GALNT14: variants seen among roughly 807,000 people sequenced by gnomAD.
GALNT14 encodes UDP-GalNAc:polypeptide N-acetylgalactosaminyltransferase 14.
A neutral mutation model predicts 77.5 loss-of-function variants in GALNT14; 60 were observed. That is an observed-to-expected ratio of 0.77 (90% CI 0.63 to 0.96). The LOEUF (loss-of-function observed/expected upper bound fraction) is 0.96, where lower values mean the gene tolerates loss of function less well. Among genes scored for constraint, GALNT14 ranks in the 40% least tolerant of loss-of-function variants. GALNT14 has a pLI of 0.00. For missense variants in GALNT14, 710 were observed against 731.0 expected (o/e 0.97, Z 0.33); for synonymous variants, 280 against 281.7 (o/e 0.99, Z 0.06).
intron 11 of GALNT14, among the ~76,000 whole-genome samples, chr2:30,926,102 A>G (rs1454101975): frequency 7.9e-5 from 12 of 152,222 alleles, no homozygotes. Flanking sequence ...TTCTTCTTAC[A>G]GAGCACCAAC....
chr2:30,944,478 T>C (rs772171157), intron 8 of GALNT14, among the ~76,000 whole-genome samples: 8 of 152,188 alleles, frequency 5.3e-5, no homozygotes, highest in Non-Finnish European at 1.2e-4. Flanking sequence ...ACTCAACATC[T>C]CTGGGCTGAA....
intron 1 of GALNT14, among the ~76,000 whole-genome samples, chr2:31,105,793 GTTCCAC>G (rs2148619003): frequency 6.6e-6 from 1 of 152,164 alleles, no homozygotes; most frequent in South Asian, 2.1e-4. Context: ...TGCTACTGGA[GTTCCAC>G]TGCTTTCGGA....
In GALNT14 at chr2:30,942,251, T is replaced by G; in HGVS notation, c.881A>C (p.Tyr294Ser). 6.2e-7 allele frequency: 1 copy of G among 1,614,068 alleles called. No homozygotes were observed. ...CATGTCCATATCATATTTCCCCAGG[T>G]AATCAAACCAAGCTTTGTCGATCAC... ...LFVIDKAWFD[Y>S]LGKYDMDMDI... Residue 294 changes from tyrosine (Y) to serine (S), a missense_variant, in exon 9 of 15, where the codon TAC becomes TCC. By Grantham distance (144) the Tyr-to-Ser change is moderately radical (BLOSUM62 -2). Transcript: ENST00000349752.
intron 1 of GALNT14, among the ~76,000 whole-genome samples, chr2:31,082,327 A>C (rs1188511334): frequency 6.6e-6 from 1 of 152,220 alleles, no homozygotes; most frequent in Non-Finnish European, 1.5e-5. Context: ...GTCTCCACAA[A>C]CAGTTCAAGT....
In GALNT14 at chr2:31,044,103, A is replaced by G. The variant is rs538465996; in HGVS notation, c.130-51096T>C. On this transcript the variant is annotated intron_variant, in intron 1 of 14. Transcript: ENST00000349752. ...AGACCCTTTAATCATCCAAAGATCA[A>G]CTTTTTCATGTAATTGTTTCTTCAT... Among the ~76,000 whole-genome samples the G allele has an allele frequency of 2.6e-5, 4 of 152,344 alleles. No individual in the cohort carries two copies. In the East Asian group the frequency reaches 7.7e-4, roughly 29 times the overall value.
intron 1 of GALNT14, among the ~76,000 whole-genome samples, chr2:31,086,852 A>G (rs952567441): frequency 3.3e-5 from 5 of 152,208 alleles, no homozygotes; most frequent in Non-Finnish European, 7.3e-5. Flanking sequence ...GACAACCTCC[A>G]AGGGTCTTTC....
rs74397726 is a variant in GALNT14, at chr2:30,950,297, T to C, written c.655-4427A>G. Among the ~76,000 whole-genome samples the C allele has an allele frequency of 3.9e-5, 6 of 151,994 alleles. No homozygotes were observed. The East Asian group carries it at 1.2e-3, about 29-fold the overall frequency. On this transcript the variant is annotated intron_variant, in intron 6 of 14. Coordinates refer to ENST00000349752, the MANE Select transcript of GALNT14 (RefSeq NM_024572.4). ...CTTATGTTTAAAAAAAAACCCCAAC[T>C]TGGTACTTGTTTCAAGTATCATCAT...
At chr2:31,131,197 T>C (rs996018791) in intron 1 of GALNT14, among the ~76,000 whole-genome samples, 1 of 152,148 alleles carries the variant, frequency 6.6e-6, no homozygotes, top group Non-Finnish European at 1.5e-5. Context: ...ACACTTGATC[T>C]TGACATGATG....
intron 6 of GALNT14, among the ~76,000 whole-genome samples, chr2:30,948,832 G>C (rs1443852483): frequency 6.6e-6 from 1 of 152,040 alleles, no homozygotes; most frequent in East Asian, 1.9e-4. Context: ...GTTTTGCTTT[G>C]ACTTTAAAAA....
At chr2:31,088,733 G>A (rs992491005) in intron 1 of GALNT14, among the ~76,000 whole-genome samples, 1 of 152,204 alleles carries the variant, frequency 6.6e-6, no homozygotes, top group Non-Finnish European at 1.5e-5. Flanking sequence ...TTTAGGATGG[G>A]TGATGCTAGA....
At chr2:30,956,465 C>T (rs955275546) in intron 4 of GALNT14, among the ~76,000 whole-genome samples, 6 of 152,148 alleles carry the variant, frequency 3.9e-5, no homozygotes, top group Admixed American at 6.5e-5. Flanking sequence ...GAGTATCCAT[C>T]CCCTCAAGCA....
intron 1 of GALNT14, among the ~76,000 whole-genome samples, chr2:31,012,497 C>T (rs372790022): frequency 2.0e-5 from 3 of 152,204 alleles, no homozygotes; most frequent in African/African-American, 7.2e-5. Flanking sequence ...AGCCTCAGTG[C>T]AGCTCTCCCT....
the GALNT14 span, among the ~76,000 whole-genome samples, chr2:30,891,071 GC>G: frequency 1.3e-5 from 2 of 152,210 alleles, no homozygotes; most frequent in Non-Finnish European, 2.9e-5. Flanking sequence ...CAGTGGATCA[GC>G]CCATGTTCAA....
intron 1 of GALNT14, among the ~76,000 whole-genome samples, chr2:31,122,280 T>C (rs566213128): frequency 4.9e-4 from 74 of 152,328 alleles, no homozygotes; most frequent in Middle Eastern, 3.4e-3. Context: ...GTGATGGTGA[T>C]ACCTGGAAGA....
At chr2:31,121,107 C>T (rs547427025) in intron 1 of GALNT14, among the ~76,000 whole-genome samples, 1 of 152,300 alleles carries the variant, frequency 6.6e-6, no homozygotes, top group Non-Finnish European at 1.5e-5. Flanking sequence ...CTTTCTCCAA[C>T]CAATGTGCAT....
At chr2:31,024,645 C>T (rs1172770369) in intron 1 of GALNT14, among the ~76,000 whole-genome samples, 2 of 152,178 alleles carry the variant, frequency 1.3e-5, no homozygotes, top group African/African-American at 4.8e-5. Context: ...TTTGTCACCA[C>T]CAGAGAGGTT....
intron 1 of GALNT14, 77 bp from the exon 2 acceptor site, chr2:30,993,084 A>C: frequency 6.8e-7 from 1 of 1,470,482 alleles, no homozygotes; most frequent in South Asian, 1.2e-5. Context: ...TCAGTACCCA[A>C]CCCCAGAGAC....
chr2:30,984,647 T>A (rs1669185132), intron 2 of GALNT14, among the ~76,000 whole-genome samples: 1 of 152,178 alleles, frequency 6.6e-6, no homozygotes, highest in Non-Finnish European at 1.5e-5. Context: ...CTCTTCTATC[T>A]CCTGATATTT....
intron 1 of GALNT14, among the ~76,000 whole-genome samples, chr2:31,002,155 G>A (rs1224983724): frequency 1.3e-5 from 2 of 152,176 alleles, no homozygotes. Context: ...CAGGCCAGGC[G>A]CAGTGACTCA....
Sources: allele counts gnomAD v4.1 joint callset (sites outside exome capture counted in the v4.1 genomes callset), GRCh38; gene constraint gnomAD v4.1.1; transcripts MANE v1.5; gene names NCBI Gene and HGNC (gene_info 2026-07-23, HGNC 2026-07-21).